Variants in SH3GL3 observed in about 807,000 individuals in gnomAD.
SH3GL3 encodes the protein SH3 domain containing GRB2 like 3, endophilin A3, also known as endophilin-A3.
A neutral mutation model predicts 47.7 loss-of-function variants in SH3GL3; 33 were observed. The observed-to-expected ratio is 0.69, with a 90% CI of 0.52 to 0.92. SH3GL3 has a LOEUF of 0.92. SH3GL3 is among the 40% of genes least tolerant of loss of function. The probability of loss-of-function intolerance (pLI) is 0.00; values close to 1 mark genes in which losing one functional copy is unlikely to be tolerated. For missense variants in SH3GL3, 363 were observed against 417.8 expected, an observed-to-expected ratio of 0.87 and a Z score of 1.14; for synonymous variants, 155 against 148.8, an observed-to-expected ratio of 1.04 and a Z score of -0.30.
intron 5 of SH3GL3, among the ~76,000 whole-genome samples, chr15:83,574,580 C>G (rs2059625458): frequency 6.6e-6 from 1 of 152,170 alleles, no homozygotes; most frequent in South Asian, 2.1e-4. Context: ...TCCCTCCTGT[C>G]CATTCTCCAG....
chr15:83,491,359 G>A (rs1170808040), intron 1 of SH3GL3, among the ~76,000 whole-genome samples: 1 of 152,280 alleles, frequency 6.6e-6, no homozygotes, highest in Non-Finnish European at 1.5e-5. Context: ...TACTTCATTG[G>A]ACTGAATTGT....
intron 1 of SH3GL3, among the ~76,000 whole-genome samples, chr15:83,482,137 G>C (rs2041385310): frequency 6.6e-6 from 1 of 152,012 alleles, no homozygotes; most frequent in South Asian, 2.1e-4. Flanking sequence ...TTACATATGT[G>C]CTGATCATTT....
chr15:83,483,009 A>T (rs1431914420), intron 1 of SH3GL3, among the ~76,000 whole-genome samples: 1 of 152,068 alleles, frequency 6.6e-6, no homozygotes, highest in Non-Finnish European at 1.5e-5. Context: ...CACTGTTTTG[A>T]CTTTTCCTTC....
intron 8 of SH3GL3, among the ~76,000 whole-genome samples, chr15:83,600,498 G>C (rs573538630): frequency 2.0e-4 from 31 of 152,268 alleles, no homozygotes; most frequent in East Asian, 1.7e-3. Flanking sequence ...TCAGTTGGCT[G>C]TACGTATTTG....
At chr15:83,509,346 A>C (rs990866275) in intron 1 of SH3GL3, among the ~76,000 whole-genome samples, 1 of 152,216 alleles carries the variant, frequency 6.6e-6, no homozygotes, top group Non-Finnish European at 1.5e-5. Context: ...GGGGATAGAC[A>C]AGGACTACTA....
intron 1 of SH3GL3, among the ~76,000 whole-genome samples, chr15:83,461,022 G>A (rs762246631): frequency 1.4e-4 from 21 of 151,864 alleles, no homozygotes; most frequent in Non-Finnish European, 2.8e-4. Context: ...GGCGGAGCTT[G>A]TAGTGAGCCG....
chr15:83,524,325 G>T (rs1367052536), intron 1 of SH3GL3, among the ~76,000 whole-genome samples: 1 of 152,158 alleles, frequency 6.6e-6, no homozygotes, highest in Non-Finnish European at 1.5e-5. Context: ...TTTTCAAAGT[G>T]AAATCAAATG....
Position 83,588,689 on chromosome 15 carries a change from A to G in SH3GL3, c.756A>G (p.Arg252=), listed in dbSNP as rs778513597. ...TATCAGCTGCATCCAGTGTCCCCAG[A>G]CGAGAATACAAGCCAAGGCCTGTGA... The part of the protein sequence containing the change: ...MRISAASSVP[R]REYKPRPVKR... Residue 252 remains arginine, a synonymous_variant, in exon 8 of 9, where the codon AGA becomes AGG. Transcript: ENST00000427482. 2.0e-5 allele frequency: 33 copies of G among 1,611,700 alleles called. No individual in the cohort carries two copies. Among genetic ancestry groups the G allele is most frequent in the Non-Finnish European group, 2.6e-5 (31 of 1,177,746 alleles).
chr15:83,497,994 C>T (rs373539171), intron 1 of SH3GL3, among the ~76,000 whole-genome samples: 9 of 152,266 alleles, frequency 5.9e-5, no homozygotes, highest in East Asian at 1.9e-4. Flanking sequence ...TCAGTGATCA[C>T]GAGGAGTTTG....
intron 1 of SH3GL3, among the ~76,000 whole-genome samples, chr15:83,496,918 T>C (rs1673810076): frequency 6.6e-6 from 1 of 152,114 alleles, no homozygotes; most frequent in African/African-American, 2.4e-5. Context: ...CTGGATATCT[T>C]AGGACTTCTC....
At chr15:83,520,048 A>G (rs1178212279) in intron 1 of SH3GL3, among the ~76,000 whole-genome samples, 1 of 152,198 alleles carries the variant, frequency 6.6e-6, no homozygotes, top group Non-Finnish European at 1.5e-5. Flanking sequence ...GAGTATCGGC[A>G]TCTTCTTGTG....
At chr15:83,532,911 A>G (rs1327986407) in intron 1 of SH3GL3, among the ~76,000 whole-genome samples, 1 of 152,212 alleles carries the variant, frequency 6.6e-6, no homozygotes, top group Non-Finnish European at 1.5e-5. Flanking sequence ...ACCTGCAGCT[A>G]ACTACTTAGG....
chr15:83,537,763 T>C (rs1339001529), intron 1 of SH3GL3, among the ~76,000 whole-genome samples: 2 of 152,196 alleles, frequency 1.3e-5, no homozygotes, highest in Non-Finnish European at 2.9e-5. Context: ...GTTGGCTTTA[T>C]CCTCAGCTCT....
At chr15:83,467,524 CT>C (rs1204869996) in intron 1 of SH3GL3, among the ~76,000 whole-genome samples, 1 of 152,126 alleles carries the variant, frequency 6.6e-6, no homozygotes, top group African/African-American at 2.4e-5. Flanking sequence ...GTTATTTTGT[CT>C]TTTCGTATAA....
At chr15:83,624,622 T>G in the SH3GL3 span, among the ~76,000 whole-genome samples, 1 of 152,164 alleles carries the variant, frequency 6.6e-6, no homozygotes, top group Admixed American at 6.5e-5. Flanking sequence ...AGATGCTGAA[T>G]TACTGGGCCT....
At chr15:83,612,429 C>G (rs1004352930) in intron 8 of SH3GL3, among the ~76,000 whole-genome samples, 1 of 152,228 alleles carries the variant, frequency 6.6e-6, no homozygotes, top group African/African-American at 2.4e-5. Context: ...GTGTCACTGC[C>G]CCCAGGCAGC....
At chr15:83,547,130 G>T (rs929993859) in intron 1 of SH3GL3, among the ~76,000 whole-genome samples, 5 of 152,180 alleles carry the variant, frequency 3.3e-5, no homozygotes, top group Admixed American at 1.3e-4. Context: ...ATTTGTCCAG[G>T]AATTGCAGTC....
At chr15:83,461,017 AG>A (rs1198040469) in intron 1 of SH3GL3, among the ~76,000 whole-genome samples, 1 of 151,782 alleles carries the variant, frequency 6.6e-6, no homozygotes, top group East Asian at 1.9e-4. Context: ...CGGGAGGCGG[AG>A]CTTGTAGTGA....
Position 83,566,286 on chromosome 15 carries a change from T to C in SH3GL3, c.187+1080T>C, listed in dbSNP as rs114189616. Among the ~76,000 whole-genome samples the C allele has an allele frequency of 4.0e-3, 602 of 152,068 alleles. 2 individuals are homozygous for C. Among genetic ancestry groups the C allele is most frequent in the African/African-American group, 0.014 (579 of 41,458 alleles). ...CCTAGCAACCTCTTATCCAGTTTAATGGCTCTCACCCACATACCTGCTGCA... is the reference window on the plus strand; with the variant it reads ...CCTAGCAACCTCTTATCCAGTTTAACGGCTCTCACCCACATACCTGCTGCA... On this transcript the variant is annotated intron_variant, in intron 3 of 8. Coordinates refer to ENST00000427482, the MANE Select transcript of SH3GL3 (RefSeq NM_003027.5).
Sources: gnomAD v4.1 joint callset for allele counts (sites outside exome capture counted in the v4.1 genomes callset) on GRCh38, gnomAD v4.1.1 for gene constraint, MANE v1.5 for transcripts, NCBI Gene and HGNC (gene_info 2026-07-23, HGNC 2026-07-21) for gene names.